CSMD2: variants seen among roughly 807,000 people sequenced by gnomAD.
CSMD2 encodes CUB and sushi domain-containing protein 2.
A neutral mutation model predicts 398.5 loss-of-function variants in CSMD2; 130 were observed. The observed-to-expected ratio is 0.33, with a 90% confidence interval of 0.28 to 0.38. CSMD2 has a LOEUF of 0.38. Ranked by LOEUF, CSMD2 falls within the 10% of genes least tolerant of loss-of-function variation. The pLI is 1.00. For missense variants in CSMD2, 3,829 were observed against 4,764.9 expected, an observed-to-expected ratio of 0.80 and a Z score of 5.78; for synonymous variants, 1,828 against 1,908.5, an observed-to-expected ratio of 0.96 and a Z score of 1.10.
intron 1 of CSMD2, among the ~76,000 whole-genome samples, chr1:34,096,632 G>A (rs1255380372): frequency 1.4e-4 from 17 of 119,056 alleles, no homozygotes; most frequent in African/African-American, 3.7e-4. Context: ...CAAACAGAGA[G>A]CCAAATCATG....
chr1:33,669,186 T>C (rs961962044), intron 25 of CSMD2, among the ~76,000 whole-genome samples: 6 of 152,210 alleles, frequency 3.9e-5, no homozygotes, highest in South Asian at 2.1e-4. Context: ...ACCAAAGGCC[T>C]TTCTTTTACA....
intron 3 of CSMD2, among the ~76,000 whole-genome samples, chr1:34,022,660 G>C (rs937433627): frequency 3.9e-5 from 6 of 152,178 alleles, no homozygotes; most frequent in African/African-American, 1.4e-4. Flanking sequence ...GGTGGTTCAG[G>C]AGAGGGGACT....
At chr1:33,769,707 G>A (rs2149323028) in intron 13 of CSMD2, among the ~76,000 whole-genome samples, 1 of 152,222 alleles carries the variant, frequency 6.6e-6, no homozygotes, top group African/African-American at 2.4e-5. Flanking sequence ...TGAAGAAAAT[G>A]TTTCAAGAGA....
At chr1:34,096,966 C>T (rs1659386237) in intron 1 of CSMD2, among the ~76,000 whole-genome samples, 2 of 150,038 alleles carry the variant, frequency 1.3e-5, no homozygotes, top group South Asian at 4.2e-4. Flanking sequence ...CAATCCTAAG[C>T]CAAAAGAACA....
chr1:34,047,796 C>T (rs1652705934), intron 2 of CSMD2, among the ~76,000 whole-genome samples: 1 of 152,120 alleles, frequency 6.6e-6, no homozygotes, highest in Admixed American at 6.6e-5. Flanking sequence ...GAGGTCATCT[C>T]AAAGAGGATG....
rs565214369 is a variant in CSMD2, at chr1:33,673,295, C to G, written c.4053-10203G>C. ...CCTGATGGTGCTGAAAACCACGGCA[C>G]GAGAACTACGTGACGAATGCACAAG... On this transcript the variant is annotated intron_variant, in intron 25 of 70. Transcript: ENST00000373381. Among the ~76,000 whole-genome samples, 188 of 152,260 alleles carry G rather than the reference C, an allele frequency of 1.2e-3. 4 individuals are homozygous for G. The South Asian group carries it at 0.038, about 31-fold the overall frequency.
chr1:33,795,876 T>C (rs1654893153), intron 10 of CSMD2, among the ~76,000 whole-genome samples: 1 of 152,254 alleles, frequency 6.6e-6, no homozygotes, highest in African/African-American at 2.4e-5. Context: ...CCTGCTTCTC[T>C]AGCATGGATG....
At chr1:34,084,916 A>G (rs1283631695) in intron 2 of CSMD2, among the ~76,000 whole-genome samples, 2 of 152,210 alleles carry the variant, frequency 1.3e-5, no homozygotes, top group Non-Finnish European at 2.9e-5. Flanking sequence ...TGCTGCTGTA[A>G]AGACACATGT....
Position 33,662,235 on chromosome 1 carries a change from C to T in CSMD2, c.4255+655G>A, listed in dbSNP as rs554157669. 3.3e-5 allele frequency among the ~76,000 whole-genome samples: 5 copies of T among 152,286 alleles called. 1 individual carries two copies. The highest frequency in any genetic ancestry group is 9.6e-5 in the African/African-American group (4 of 41,566). On this transcript the variant is annotated intron_variant, in intron 26 of 70. Coordinates refer to ENST00000373381, the MANE Select transcript of CSMD2 (RefSeq NM_001281956.2). ...AATTTAGATGACTCATGTTCACTTC[C>T]AGTCTTTGCTGAGATCTGCACTCAA... is the stretch of plus-strand genomic sequence containing the variant.
At chr1:33,816,059 T>C (rs954704927) in intron 9 of CSMD2, among the ~76,000 whole-genome samples, 1 of 152,162 alleles carries the variant, frequency 6.6e-6, no homozygotes, top group African/African-American at 2.4e-5. Context: ...TTCTCCTGTT[T>C]TACTGCCCTT....
At chr1:34,155,955 G>T (rs1640772468) in intron 1 of CSMD2, among the ~76,000 whole-genome samples, 2 of 152,156 alleles carry the variant, frequency 1.3e-5, no homozygotes, top group African/African-American at 4.8e-5. Flanking sequence ...GTGGTTAGGG[G>T]CATAGCCAAG....
intron 1 of CSMD2, among the ~76,000 whole-genome samples, chr1:34,092,949 G>C (rs1277816002): frequency 1.3e-5 from 2 of 152,060 alleles, no homozygotes; most frequent in East Asian, 3.9e-4. Context: ...TCCACCTCTG[G>C]GGGCAGGGCA....
At chr1:33,543,645 A>G (rs1656576565) in intron 57 of CSMD2, among the ~76,000 whole-genome samples, 1 of 152,258 alleles carries the variant, frequency 6.6e-6, no homozygotes, top group Admixed American at 6.5e-5. Context: ...TAATAGTTTT[A>G]GCAGTCATTG....
At chr1:33,579,631 C>A (rs1638550736) in intron 48 of CSMD2, among the ~76,000 whole-genome samples, 1 of 151,908 alleles carries the variant, frequency 6.6e-6, no homozygotes. Flanking sequence ...GCAAGTGGGA[C>A]TTCAGGCACT....
intron 38 of CSMD2, 117 bp downstream of exon 38, chr1:33,617,382 C>T (rs1004758814): frequency 1.4e-4 from 102 of 741,318 alleles, no homozygotes; most frequent in South Asian, 8.5e-4. Flanking sequence ...TAATGGTACC[C>T]GGGGGACCTG....
At chr1:34,087,170 G>C (rs1657976133) in intron 2 of CSMD2, among the ~76,000 whole-genome samples, 3 of 151,784 alleles carry the variant, frequency 2.0e-5, no homozygotes, top group African/African-American at 7.3e-5. Flanking sequence ...GCTTTCCCTA[G>C]ATACCTACAT....
At chr1:33,737,605 A>G (rs1478147960) in intron 15 of CSMD2, among the ~76,000 whole-genome samples, 2 of 152,184 alleles carry the variant, frequency 1.3e-5, no homozygotes, top group Non-Finnish European at 2.9e-5. Flanking sequence ...GGCTTGGATG[A>G]TAAGTTGCAG....
intron 3 of CSMD2, among the ~76,000 whole-genome samples, chr1:33,982,035 T>G (rs533184465): frequency 1.3e-5 from 2 of 152,244 alleles, no homozygotes; most frequent in Admixed American, 1.3e-4. Flanking sequence ...AGAAGGCAAT[T>G]TAGAGCTACC....
At chr1:33,686,520 G>C (rs1395279824) in intron 25 of CSMD2, among the ~76,000 whole-genome samples, 1 of 152,192 alleles carries the variant, frequency 6.6e-6, no homozygotes, top group Non-Finnish European at 1.5e-5. Context: ...TTCCACTCTT[G>C]TCACACACAT....
Sources: gnomAD v4.1 joint callset for allele counts (sites outside exome capture counted in the v4.1 genomes callset) on GRCh38, gnomAD v4.1.1 for gene constraint, MANE v1.5 for transcripts, NCBI Gene and HGNC (gene_info 2026-07-23, HGNC 2026-07-21) for gene names.